The following BBS9 variants were observed in gnomAD, a reference collection of about 807,000 sequenced individuals.
BBS9 encodes protein PTHB1.
In BBS9, 89 loss-of-function variants were observed where a neutral mutation model predicts 117.7. The observed-to-expected ratio is 0.76, with a 90% CI of 0.64 to 0.90. The LOEUF (loss-of-function observed/expected upper bound fraction) is 0.90. Among genes scored for constraint, BBS9 ranks in the 40% least tolerant of loss-of-function variants. BBS9 has a pLI of 0.00. For missense variants in BBS9, 982 were observed against 1,042.2 expected, an observed-to-expected ratio of 0.94 and a Z score of 0.80; for synonymous variants, 379 against 370.9, an observed-to-expected ratio of 1.02 and a Z score of -0.25.
intron 16 of BBS9, among the ~76,000 whole-genome samples, chr7:33,365,505 T>C (rs965660536): frequency 2.0e-5 from 3 of 152,202 alleles, no homozygotes; most frequent in Non-Finnish European, 2.9e-5. Context: ...GTGAGGGCTA[T>C]TGGGATCTTT....
At chr7:33,148,472 C>T (rs972624434) in intron 2 of BBS9, among the ~76,000 whole-genome samples, 2 of 152,028 alleles carry the variant, frequency 1.3e-5, no homozygotes, top group Non-Finnish European at 2.9e-5. Flanking sequence ...AAGCAATTCT[C>T]CTGCCTTAGC....
chr7:33,303,669 T>C (rs996463715), intron 9 of BBS9, among the ~76,000 whole-genome samples: 6 of 151,680 alleles, frequency 4.0e-5, no homozygotes, highest in Non-Finnish European at 7.4e-5. Flanking sequence ...CCGCCACGCC[T>C]GACTGGTTTT....
rs542864922 is a variant in BBS9 at position 33,442,943 on chromosome 7, A to C, written c.2115+54799A>C. 1.0e-3 allele frequency among the ~76,000 whole-genome samples: 152 copies of C among 152,336 alleles called. 1 individual carries two copies. The highest frequency in any genetic ancestry group is 3.5e-3 in the African/African-American group (146 of 41,578). On this transcript the variant is annotated intron_variant, in intron 19 of 22. Coordinates refer to ENST00000242067, the MANE Select transcript of BBS9 (RefSeq NM_198428.3). ...TTTGAAAACTGAGGAAGTCTATTGG[A>C]AACATAAAGCATATTTGGCATCTTA...
At chr7:33,368,089 C>T (rs1202981727) in intron 17 of BBS9, among the ~76,000 whole-genome samples, 2 of 152,078 alleles carry the variant, frequency 1.3e-5, no homozygotes, top group Non-Finnish European at 2.9e-5. Flanking sequence ...ATCTAAATTT[C>T]ACCAAAAATC....
intron 21 of BBS9, among the ~76,000 whole-genome samples, chr7:33,594,700 A>G (rs1862451772): frequency 6.6e-6 from 1 of 152,156 alleles, no homozygotes; most frequent in Non-Finnish European, 1.5e-5. Context: ...CAACAGCAGC[A>G]TTGAATGGTG....
intron 21 of BBS9, among the ~76,000 whole-genome samples, chr7:33,582,561 A>G (rs556090684): frequency 1.3e-5 from 2 of 152,082 alleles, no homozygotes; most frequent in South Asian, 4.1e-4. Flanking sequence ...CACACACTGC[A>G]TCTGATGCTC....
chr7:33,344,768 C>G (rs1817287163), intron 12 of BBS9, 134 bp downstream of exon 12: 1 of 907,128 alleles, frequency 1.1e-6, no homozygotes, highest in Non-Finnish European at 1.8e-6. Context: ...TTTTCCCCAG[C>G]CTTGAGTAGT....
At position 33,532,176 on chromosome 7, in the gene BBS9, A is replaced by G. The variant is rs1850682131; in HGVS notation, c.2299-1778A>G. 2.6e-5 allele frequency among the ~76,000 whole-genome samples: 4 copies of G among 152,364 alleles called. No homozygotes were observed. The South Asian group carries it at 8.3e-4, about 32-fold the overall frequency. On this transcript the variant is annotated intron_variant, in intron 20 of 22. Coordinates refer to ENST00000242067, the MANE Select transcript of BBS9 (RefSeq NM_198428.3). ...TGGCAATGCCTGAGCAAGTCATTAA[A>G]TGGGAGTTGGCCAGCTAAAGAATAG...
chr7:33,596,199 A>C (rs969941321), intron 21 of BBS9, among the ~76,000 whole-genome samples: 6 of 150,836 alleles, frequency 4.0e-5, no homozygotes, highest in African/African-American at 1.2e-4. Context: ...AAAAAAAAAA[A>C]CCCAACAATT....
chr7:33,142,603 C>T (rs1374357685), intron 1 of BBS9, among the ~76,000 whole-genome samples: 3 of 152,192 alleles, frequency 2.0e-5, no homozygotes, highest in African/African-American at 7.2e-5. Flanking sequence ...CTCCTTTCTC[C>T]CTAGCCCCTG....
intron 7 of BBS9, among the ~76,000 whole-genome samples, chr7:33,269,290 C>T (rs1289404615): frequency 6.6e-6 from 1 of 152,172 alleles, no homozygotes; most frequent in African/African-American, 2.4e-5. Flanking sequence ...GCCTAACTTT[C>T]ACAGCAGCCC....
intron 20 of BBS9, among the ~76,000 whole-genome samples, chr7:33,531,039 G>T (rs1239553678): frequency 6.6e-6 from 1 of 152,168 alleles, no homozygotes; most frequent in Non-Finnish European, 1.5e-5. Flanking sequence ...GAGGTCAGGA[G>T]TTCAAGACCA....
intron 19 of BBS9, among the ~76,000 whole-genome samples, chr7:33,460,847 C>T (rs781511866): frequency 1.5e-4 from 23 of 152,012 alleles, no homozygotes; most frequent in Non-Finnish European, 2.6e-4. Context: ...CCATTTCCAT[C>T]ACTCCAAAGT....
At chr7:33,247,496 A>C (rs989750492) in intron 5 of BBS9, among the ~76,000 whole-genome samples, 4 of 151,862 alleles carry the variant, frequency 2.6e-5, no homozygotes, top group African/African-American at 9.7e-5. Flanking sequence ...TTTTAAATCC[A>C]TGTCTCGATG....
chr7:33,294,005 C>G (rs1354223673), intron 9 of BBS9, among the ~76,000 whole-genome samples: 1 of 152,052 alleles, frequency 6.6e-6, no homozygotes, highest in Non-Finnish European at 1.5e-5. Context: ...ATCTTAAAGA[C>G]TTTTTCTCCA....
chr7:33,413,331 T>G lies in BBS9; in HGVS notation c.2115+25187T>G, dbSNP rs142006901. On this transcript the variant is annotated intron_variant, in intron 19 of 22. Transcript: ENST00000242067. Reference sequence around the variant, plus strand: ...TTTATTAAGACAGGCTGAGTTTAATTTTTTCTTTTGACTATTCTTTTTAAA... The same window carrying G: ...TTTATTAAGACAGGCTGAGTTTAATGTTTTCTTTTGACTATTCTTTTTAAA... 2.9e-3 allele frequency among the ~76,000 whole-genome samples: 446 copies of G among 152,306 alleles called. 1 individual carries two copies. Among genetic ancestry groups the G allele is most frequent in the African/African-American group, 9.5e-3 (396 of 41,566 alleles).
intron 9 of BBS9, among the ~76,000 whole-genome samples, chr7:33,303,813 A>G (rs12111835): frequency 0.011 from 1,660 of 150,190 alleles, 27 homozygotes; most frequent in African/African-American, 0.039. Flanking sequence ...TCAGTGCTCA[A>G]TGTGGCCCAG....
intron 20 of BBS9, among the ~76,000 whole-genome samples, chr7:33,522,569 C>T (rs1848795889): frequency 6.6e-6 from 1 of 152,070 alleles, no homozygotes. Flanking sequence ...CTGTTCATGT[C>T]CTTTGCCCAC....
At chr7:33,143,932 T>G (rs138544353) in intron 1 of BBS9, among the ~76,000 whole-genome samples, 1 of 150,386 alleles carries the variant, frequency 6.6e-6, no homozygotes, top group Non-Finnish European at 1.5e-5. Flanking sequence ...TGGGATGGTT[T>G]GTTTTTGTTG....
Sources: gnomAD v4.1 joint callset for allele counts (sites outside exome capture counted in the v4.1 genomes callset) on GRCh38, gnomAD v4.1.1 for gene constraint, MANE v1.5 for transcripts, NCBI Gene and HGNC (gene_info 2026-07-23, HGNC 2026-07-21) for gene names.